FLT3: variants seen among roughly 807,000 people sequenced by gnomAD.
FLT3 encodes receptor-type tyrosine-protein kinase FLT3.
A neutral mutation model predicts 126.6 loss-of-function variants in FLT3; 46 were observed. The ratio of observed to expected loss-of-function variants is 0.36; its 90% CI spans 0.29 to 0.46. The LOEUF is 0.46. FLT3 is among the 20% of genes least tolerant of loss of function. The pLI is 1.00. For synonymous variants in FLT3, 404 were observed against 434.4 expected (o/e 0.93, Z 0.87); for missense variants, 1,069 against 1,190.3 (o/e 0.90, Z 1.50).
At chr13:28,048,583 T>A in intron 8 of FLT3, 140 bp from the exon 9 acceptor site, 1 of 626,424 alleles carries the variant, frequency 1.6e-6, no homozygotes, top group East Asian at 2.8e-5. Context: ...GGTTGGATAA[T>A]CCAAGTGAAA....
chr13:28,024,120 T>G (rs2137642011), intron 18 of FLT3, among the ~76,000 whole-genome samples: 1 of 139,458 alleles, frequency 7.2e-6, no homozygotes, highest in African/African-American at 2.5e-5. Flanking sequence ...TACTCCTTCC[T>G]TTTTTTTTCT....
chr13:28,074,845 G>A (rs1276603944), intron 1 of FLT3, among the ~76,000 whole-genome samples: 1 of 151,932 alleles, frequency 6.6e-6, no homozygotes, highest in African/African-American at 2.4e-5. Flanking sequence ...TTTTGTCCAG[G>A]CTGGTCTCAA....
intron 15 of FLT3, among the ~76,000 whole-genome samples, chr13:28,030,674 C>T (rs1280670523): frequency 1.3e-5 from 2 of 150,850 alleles, no homozygotes; most frequent in Admixed American, 6.6e-5. Flanking sequence ...AAGAAAGGCC[C>T]GGGCAAAATA....
At chr13:28,096,492 A>C (rs761733408) in intron 1 of FLT3, among the ~76,000 whole-genome samples, 1 of 151,886 alleles carries the variant, frequency 6.6e-6, no homozygotes, top group South Asian at 2.1e-4. Context: ...GGTATAGTGC[A>C]ATGGCGCAAT....
chr13:28,088,868 G>C (rs561635132), intron 1 of FLT3, among the ~76,000 whole-genome samples: 1 of 146,602 alleles, frequency 6.8e-6, no homozygotes, highest in Admixed American at 6.8e-5. Flanking sequence ...ACAAGCGTGA[G>C]CTGCCCACCC....
intron 19 of FLT3, among the ~76,000 whole-genome samples, chr13:28,022,126 C>T (rs1872448821): frequency 6.6e-6 from 1 of 152,244 alleles, no homozygotes; most frequent in Admixed American, 6.5e-5. Context: ...CAGTTTCCAA[C>T]TCCTGGGCTC....
chr13:28,087,475 C>T (rs907389730), intron 1 of FLT3, among the ~76,000 whole-genome samples: 1 of 152,156 alleles, frequency 6.6e-6, no homozygotes, highest in African/African-American at 2.4e-5. Context: ...CTGGCTTTAA[C>T]CAATTTGATG....
chr13:28,027,286 T>A, intron 16 of FLT3, 45 bp from the exon 17 acceptor site: 1 of 1,520,312 alleles, frequency 6.6e-7, no homozygotes, highest in South Asian at 1.2e-5. Context: ...CAAAGCAAAC[T>A]GTTATTTCAG....
rs1169740676 is a variant in FLT3, at chr13:28,055,003, T to TA, written c.485-2330dup. Among the ~76,000 whole-genome samples the TA allele has an allele frequency of 2.0e-5, 3 of 152,360 alleles. No individual in the cohort carries two copies. The East Asian group carries it at 5.8e-4, about 29-fold the overall frequency. ...TGTTTATCTTATTGACTTTACATAT[T>TA]ATGACTATTAATCCTTTGTTGATTG... On this transcript the variant is annotated intron_variant, in intron 4 of 23. Transcript: ENST00000241453.
At chr13:28,005,585 C>G (rs1250891958) in intron 23 of FLT3, among the ~76,000 whole-genome samples, 1 of 151,998 alleles carries the variant, frequency 6.6e-6, no homozygotes, top group African/African-American at 2.4e-5. Context: ...CATAATTAAC[C>G]TTTTGACCAA....
rs754639044 is a variant in FLT3, at chr13:28,048,456, A to T, written c.1037-13T>A. On this transcript the variant is annotated splice_polypyrimidine_tract_variant and intron_variant, in intron 8 of 23. Coordinates refer to ENST00000241453, the MANE Select transcript of FLT3 (RefSeq NM_004119.3). ...ATAAATCCCTTTTCTGTAAGAAAAA[A>T]TAGGCATTTATGAGTTAGTTAATAA... 1.4e-5 allele frequency: 22 copies of T among 1,525,374 alleles called. No homozygotes were observed. The Admixed American group carries it at 3.6e-4, about 25-fold the overall frequency. The allele number at this position is 1,525,374 out of a possible 1,614,324, so 94.5% of individuals were successfully genotyped here.
chr13:28,049,383 C>A lies in FLT3; in HGVS notation c.1036+1G>T. 1 of 1,612,774 alleles carries A rather than the reference C, an allele frequency of 6.2e-7. No homozygotes were observed. The highest frequency in any genetic ancestry group is 8.5e-7 in the Non-Finnish European group (1 of 1,179,452). ...AAGATTGTGTGAGCAGCCTGCATTA[C>A]CTACGATGGTAACCAAAGCTGATTG... On this transcript the variant is annotated splice_donor_variant, in intron 8 of 23. Transcript: ENST00000241453. LOFTEE classifies it high-confidence loss of function.
At chr13:28,020,012 CAGG>C (rs1321282934) in intron 19 of FLT3, among the ~76,000 whole-genome samples, 2 of 152,196 alleles carry the variant, frequency 1.3e-5, no homozygotes, top group Non-Finnish European at 2.9e-5. Context: ...GAGCTTCAGA[CAGG>C]AGAAGTGTCC....
intron 8 of FLT3, 78 bp downstream of exon 8, chr13:28,049,306 A>C: frequency 7.7e-7 from 1 of 1,305,380 alleles, no homozygotes; most frequent in Non-Finnish European, 1.1e-6. Flanking sequence ...TGAAATCAGA[A>C]TTTGTACCAC....
intron 1 of FLT3, among the ~76,000 whole-genome samples, chr13:28,082,828 C>T (rs1171874518): frequency 2.0e-5 from 3 of 152,026 alleles, no homozygotes; most frequent in Admixed American, 1.3e-4. Context: ...CTCAGCCTCC[C>T]GAGTAGCTGG....
intron 1 of FLT3, among the ~76,000 whole-genome samples, chr13:28,085,740 C>T (rs1028941303): frequency 8.7e-5 from 13 of 149,218 alleles, no homozygotes; most frequent in Non-Finnish European, 1.6e-4. Context: ...AACATCATTA[C>T]CTCTGGCTCT....
chr13:28,031,560 G>A (rs943873650), intron 15 of FLT3, among the ~76,000 whole-genome samples: 1 of 152,208 alleles, frequency 6.6e-6, no homozygotes, highest in African/African-American at 2.4e-5. Flanking sequence ...GATTCTACGG[G>A]GGAAAGCCTG....
intron 5 of FLT3, among the ~76,000 whole-genome samples, chr13:28,050,460 TA>T (rs1208035848): frequency 1.3e-5 from 2 of 152,152 alleles, no homozygotes; most frequent in African/African-American, 4.8e-5. Context: ...CAAAACAGTT[TA>T]AAATTGTTCA....
At chr13:28,099,028 A>C (rs1879651948) in intron 1 of FLT3, among the ~76,000 whole-genome samples, 1 of 152,212 alleles carries the variant, frequency 6.6e-6, no homozygotes, top group Admixed American at 6.5e-5. Flanking sequence ...GGGCACGTAC[A>C]TATGTGAAAA....
Sources: allele counts gnomAD v4.1 joint callset (sites outside exome capture counted in the v4.1 genomes callset), GRCh38; gene constraint gnomAD v4.1.1; transcripts MANE v1.5; gene names NCBI Gene and HGNC (gene_info 2026-07-23, HGNC 2026-07-21).